DIAPH2: variants seen among roughly 807,000 people sequenced by gnomAD.
DIAPH2 encodes diaphanous related formin 2, also known as protein diaphanous homolog 2.
Under a neutral mutation model 92.7 loss-of-function variants are expected in DIAPH2, and 35 were observed. The ratio of observed to expected loss-of-function variants is 0.38; its 90% confidence interval spans 0.29 to 0.50. DIAPH2 has a LOEUF of 0.50. DIAPH2 is among the 20% of genes least tolerant of loss of function. DIAPH2 has a pLI of 0.94. For missense variants in DIAPH2, 701 were observed against 819.5 expected (o/e 0.86, Z 1.77); for synonymous variants, 301 against 280.4 (o/e 1.07, Z -0.73).
intron 17 of DIAPH2, among the ~76,000 whole-genome samples, chrX:97,019,072 C>CACT (rs2066279666): frequency 9.0e-6 from 1 of 111,544 alleles, no homozygotes; most frequent in Admixed American, 9.6e-5. Flanking sequence ...TTTCTTTTAT[C>CACT]GTTGAATAAC....
At chrX:97,053,672 G>A (rs958252433) in intron 17 of DIAPH2, among the ~76,000 whole-genome samples, 1 of 111,355 alleles carries the variant, frequency 9.0e-6, no homozygotes, top group Non-Finnish European at 1.9e-5. Context: ...ATGTTCTGTC[G>A]ATAGTTCAAG....
chrX:97,273,931 GTCA>G (rs1437539031), intron 23 of DIAPH2, among the ~76,000 whole-genome samples: 1 of 109,557 alleles, frequency 9.1e-6, no homozygotes, highest in Non-Finnish European at 1.9e-5. Context: ...AGTAGAAGTG[GTCA>G]TCATCATTTT....
In DIAPH2 at chrX:96,684,881, G is replaced by C. The variant is rs2063762452; in HGVS notation, c.-178G>C. 2.1e-6 allele frequency: 1 copy of C among 487,398 alleles called. No individual in the cohort carries two copies. The highest frequency in any genetic ancestry group is 2.9e-6 in the Non-Finnish European group (1 of 344,911). 40.2% of individuals were successfully genotyped at this position (487,398 alleles called of 1,213,427 possible). Reference sequence around the variant, plus strand: ...TAGTGGCAACGGCGTGGTTGCGTCGGGGGTGCCTGGGAGCCTGGAGTCCCG... The same window carrying C: ...TAGTGGCAACGGCGTGGTTGCGTCGCGGGTGCCTGGGAGCCTGGAGTCCCG... On this transcript the variant is annotated 5_prime_UTR_variant, in exon 1 of 27. Coordinates refer to ENST00000324765, the MANE Select transcript of DIAPH2 (RefSeq NM_006729.5).
intron 20 of DIAPH2, among the ~76,000 whole-genome samples, chrX:97,114,495 T>G (rs1031112472): frequency 8.9e-6 from 1 of 112,342 alleles, no homozygotes; most frequent in African/African-American, 3.2e-5. Flanking sequence ...AATATTTTAT[T>G]AATGCCATAA....
At chrX:96,896,552 G>A (rs1209884336) in intron 5 of DIAPH2, among the ~76,000 whole-genome samples, 2 of 111,581 alleles carry the variant, frequency 1.8e-5, no homozygotes, top group Admixed American at 1.9e-4. Context: ...CTTTCATGGA[G>A]GTTTGTTTGT....
intron 19 of DIAPH2, among the ~76,000 whole-genome samples, chrX:97,082,413 A>C (rs1466469315): frequency 9.4e-6 from 1 of 106,450 alleles, no homozygotes; most frequent in African/African-American, 3.4e-5. Context: ...TGAGGTCAGG[A>C]GTTTGAAACC....
At chrX:97,029,146 CTTT>C (rs34551722) in intron 17 of DIAPH2, among the ~76,000 whole-genome samples, 6 of 92,707 alleles carry the variant, frequency 6.5e-5, no homozygotes, top group Admixed American at 1.2e-4. Context: ...TTTTCTTTTT[CTTT>C]TTTTTTTTTT....
intron 17 of DIAPH2, among the ~76,000 whole-genome samples, chrX:97,010,199 T>C (rs766381364): frequency 1.4e-4 from 16 of 111,709 alleles, no homozygotes; most frequent in Non-Finnish European, 1.9e-5. Context: ...CTACCCCATA[T>C]TGCTTTCTGC....
intron 4 of DIAPH2, among the ~76,000 whole-genome samples, chrX:96,821,195 C>G (rs192970592): frequency 8.9e-6 from 1 of 112,272 alleles, no homozygotes; most frequent in East Asian, 2.8e-4. Flanking sequence ...TTCTGAGTAG[C>G]CAGTCCTGAG....
intron 25 of DIAPH2, among the ~76,000 whole-genome samples, chrX:97,412,127 T>C (rs1486892710): frequency 1.8e-5 from 2 of 111,925 alleles, no homozygotes; most frequent in Admixed American, 9.5e-5. Context: ...ATCACACTTA[T>C]TCCAAAATTG....
chrX:97,433,249 C>G lies in DIAPH2; in HGVS notation c.3241+3504C>G, dbSNP rs138682434. Among the ~76,000 whole-genome samples, 998 of 110,671 alleles carry G rather than the reference C, an allele frequency of 9.0e-3. 6 individuals are homozygous for G. Among genetic ancestry groups the G allele is most frequent in the African/African-American group, 0.031 (948 of 30,436 alleles). ...AAAAAGGCTGGGCGTGGTGGCTCAT[C>G]CCTATAATCCCAGCACTTTGGGAGG... is the stretch of plus-strand genomic sequence containing the variant. On this transcript the variant is annotated intron_variant, in intron 26 of 26. Coordinates refer to ENST00000324765, the MANE Select transcript of DIAPH2 (RefSeq NM_006729.5).
At chrX:97,294,763 T>C (rs767036053) in intron 23 of DIAPH2, among the ~76,000 whole-genome samples, 1 of 112,263 alleles carries the variant, frequency 8.9e-6, no homozygotes, top group Non-Finnish European at 1.9e-5. Context: ...ATTTTTATAA[T>C]TTAGCAAATA....
intron 15 of DIAPH2, among the ~76,000 whole-genome samples, chrX:96,955,857 T>G (rs974498181): frequency 1.8e-5 from 2 of 112,651 alleles, no homozygotes; most frequent in Non-Finnish European, 3.8e-5. Flanking sequence ...CCCTGCTGAT[T>G]GCTTTCACAA....
At chrX:97,224,423 G>T (rs2067949628) in intron 22 of DIAPH2, among the ~76,000 whole-genome samples, 1 of 112,002 alleles carries the variant, frequency 8.9e-6, no homozygotes, top group African/African-American at 3.2e-5. Flanking sequence ...CTCTAATTGT[G>T]TGCTAATCTA....
In DIAPH2 at chrX:96,888,566, CACAGATATATATATCTATATATAT is replaced by C. The variant is rs1379931505; in HGVS notation, c.587+6873_587+6896del. 7.5e-4 allele frequency among the ~76,000 whole-genome samples: 39 copies of C among 51,667 alleles called. No homozygotes were observed. In the East Asian group the frequency reaches 0.014, roughly 18 times the overall value. 44.9% of individuals were successfully genotyped at this position (51,667 alleles called of 115,157 possible). A position where few individuals can be genotyped will look rare whatever the true frequency, so the allele number is the denominator to read the frequency against. Reference sequence around the variant, plus strand: ...ACAGATATATATATCTATATATATACACAGATATATATATCTATATATATACAGATATATATATCTATATATATC... The same window carrying C: ...ACAGATATATATATCTATATATATACACAGATATATATATCTATATATATC... On this transcript the variant is annotated intron_variant, in intron 5 of 26. Coordinates refer to ENST00000324765, the MANE Select transcript of DIAPH2 (RefSeq NM_006729.5).
At chrX:97,089,095 G>T (rs772521602) in intron 19 of DIAPH2, among the ~76,000 whole-genome samples, 1 of 112,196 alleles carries the variant, frequency 8.9e-6, no homozygotes, top group African/African-American at 3.2e-5. Context: ...TTTTCCGTCA[G>T]TGATGAGTAG....
intron 4 of DIAPH2, among the ~76,000 whole-genome samples, chrX:96,844,104 A>AT (rs2064955507): frequency 8.9e-6 from 1 of 112,043 alleles, no homozygotes; most frequent in Non-Finnish European, 1.9e-5. Flanking sequence ...CCAAATATAC[A>AT]TTTTTCTGAC....
chrX:97,355,696 G>A (rs998339807), intron 24 of DIAPH2, among the ~76,000 whole-genome samples: 2 of 111,062 alleles, frequency 1.8e-5, no homozygotes, highest in African/African-American at 6.5e-5. Context: ...TATGAATTCA[G>A]AGGGGGTGTC....
intron 25 of DIAPH2, among the ~76,000 whole-genome samples, chrX:97,404,800 A>C (rs2069792940): frequency 8.9e-6 from 1 of 112,430 alleles, no homozygotes. Context: ...AAGAGCATGA[A>C]AAAATGTAAT....
Sources: allele counts gnomAD v4.1 joint callset (sites outside exome capture counted in the v4.1 genomes callset), GRCh38; gene constraint gnomAD v4.1.1; transcripts MANE v1.5; gene names NCBI Gene and HGNC (gene_info 2026-07-23, HGNC 2026-07-21).